The following NRXN1 variants were observed in gnomAD, a reference collection of about 807,000 sequenced individuals.
NRXN1 encodes neurexin-1.
A neutral mutation model predicts 150.9 loss-of-function variants in NRXN1; 39 were observed. The observed-to-expected ratio is 0.26, with a 90% CI of 0.20 to 0.34. NRXN1 has a LOEUF of 0.34. NRXN1 is among the 10% of genes least tolerant of loss of function. The probability of loss-of-function intolerance (pLI) is 1.00; values close to 1 mark genes in which losing one functional copy is unlikely to be tolerated. For synonymous variants in NRXN1, 924 were observed against 757.0 expected, an observed-to-expected ratio of 1.22 and a Z score of -3.62; for missense variants, 1,815 against 1,949.9, an observed-to-expected ratio of 0.93 and a Z score of 1.30.
At chr2:50,650,813 G>A (rs542108158) in intron 5 of NRXN1, among the ~76,000 whole-genome samples, 1 of 152,088 alleles carries the variant, frequency 6.6e-6, no homozygotes, top group East Asian at 1.9e-4. Context: ...AACCAAAAAT[G>A]CCAGTCAAGA....
chr2:50,876,388 T>A (rs1264086393), intron 5 of NRXN1, among the ~76,000 whole-genome samples: 3 of 151,810 alleles, frequency 2.0e-5, no homozygotes. Context: ...TTGAAATATT[T>A]AAAAACACAA....
At chr2:49,946,430 T>C (rs1374217610) in intron 21 of NRXN1, among the ~76,000 whole-genome samples, 1 of 152,118 alleles carries the variant, frequency 6.6e-6, no homozygotes, top group East Asian at 1.9e-4. Flanking sequence ...CACTGCTTTT[T>C]GTGTTTTAGT....
At chr2:49,936,106 G>C (rs940926875) in intron 22 of NRXN1, among the ~76,000 whole-genome samples, 5 of 152,258 alleles carry the variant, frequency 3.3e-5, no homozygotes, top group African/African-American at 1.2e-4. Flanking sequence ...ACTGAACAGA[G>C]TTTTCTGTTG....
intron 2 of NRXN1, chr2:50,985,517 T>C (rs1454262220): frequency 1.3e-5 from 2 of 151,458 alleles, no homozygotes; most frequent in Non-Finnish European, 1.5e-5. Context: ...GAATGAAAAA[T>C]ACAATGTTTT....
chr2:50,958,748 A>G (rs1692674620), intron 2 of NRXN1, among the ~76,000 whole-genome samples: 1 of 152,102 alleles, frequency 6.6e-6, no homozygotes, highest in Non-Finnish European at 1.5e-5. Context: ...GGAAGCAGCA[A>G]GAGTGAGCAT....
intron 5 of NRXN1, among the ~76,000 whole-genome samples, chr2:50,677,378 G>A (rs1015122497): frequency 1.3e-5 from 2 of 152,092 alleles, no homozygotes; most frequent in Non-Finnish European, 2.9e-5. Flanking sequence ...GTATTTTAAC[G>A]TGAGGATACA....
rs532941476 is a variant in NRXN1 at position 50,812,487 on chromosome 2, G to T, written c.832+109382C>A. On this transcript the variant is annotated intron_variant, in intron 5 of 22. Coordinates refer to ENST00000401669, the MANE Select transcript of NRXN1 (RefSeq NM_001330078.2). Reference sequence around the variant, plus strand: ...TTGGTTTTAAGAAATTTTCCTCTTTGTAAGTCAATGTCTTAGTAAACAGGA... The same window carrying T: ...TTGGTTTTAAGAAATTTTCCTCTTTTTAAGTCAATGTCTTAGTAAACAGGA... Among the ~76,000 whole-genome samples, 13 of 152,116 alleles carry T rather than the reference G, an allele frequency of 8.5e-5. No individual in the cohort carries two copies. The South Asian group carries it at 2.1e-3, about 24-fold the overall frequency.
At chr2:50,510,632 C>G (rs1458980448) in intron 12 of NRXN1, among the ~76,000 whole-genome samples, 1 of 151,326 alleles carries the variant, frequency 6.6e-6, no homozygotes, top group African/African-American at 2.4e-5. Flanking sequence ...TTGATTTTTA[C>G]TGTAACATAT....
At position 50,552,917 on chromosome 2, in the gene NRXN1, C is replaced by A; in HGVS notation, c.1429G>T (p.Ala477Ser). ...GVVAFKCENV[A>S]TLDPITFETP... ...TCAAAGGTGATTGGGTCTAAAGTTG[C>A]AACATTCTCACATTTAAATGCCACC... Residue 477 changes from alanine to serine, a missense_variant, in exon 9 of 23, where the codon GCA becomes TCA. Around this residue, in one of 6 missense-constraint regions of NRXN1, gnomAD observed 638 missense variants for 652.6 expected, o/e 0.98. Transcript: ENST00000401669. 6.2e-7 allele frequency: 1 copy of A among 1,613,878 alleles called. No individual in the cohort carries two copies. Among genetic ancestry groups the A allele is most frequent in the Admixed American group, 1.7e-5 (1 of 60,010 alleles).
intron 19 of NRXN1, among the ~76,000 whole-genome samples, chr2:50,082,639 A>G (rs1245958451): frequency 6.6e-6 from 1 of 152,244 alleles, no homozygotes; most frequent in Non-Finnish European, 1.5e-5. Context: ...TATTGATTAA[A>G]TGTTTCAAAA....
chr2:50,910,467 G>A (rs1038727846), intron 5 of NRXN1, among the ~76,000 whole-genome samples: 5 of 151,948 alleles, frequency 3.3e-5, no homozygotes, highest in African/African-American at 9.7e-5. Flanking sequence ...CCACACAGCA[G>A]ATACATCATG....
intron 8 of NRXN1, among the ~76,000 whole-genome samples, chr2:50,596,372 T>C (rs1675203375): frequency 6.6e-6 from 1 of 152,238 alleles, no homozygotes; most frequent in Non-Finnish European, 1.5e-5. Context: ...TATTAAAAAT[T>C]GCTGTGTTTT....
At chr2:50,910,787 A>G (rs1317360249) in intron 5 of NRXN1, among the ~76,000 whole-genome samples, 1 of 151,910 alleles carries the variant, frequency 6.6e-6, no homozygotes, top group Non-Finnish European at 1.5e-5. Context: ...GACTGAATAT[A>G]TACTGCTAAC....
intron 8 of NRXN1, among the ~76,000 whole-genome samples, chr2:50,576,804 C>T (rs912157403): frequency 2.0e-5 from 3 of 151,972 alleles, no homozygotes; most frequent in South Asian, 4.1e-4. Context: ...GCTTTCCTGA[C>T]CTCCCTTTTA....
intron 18 of NRXN1, among the ~76,000 whole-genome samples, chr2:50,222,855 T>C (rs1254300828): frequency 2.0e-5 from 3 of 151,858 alleles, no homozygotes; most frequent in Non-Finnish European, 4.4e-5. Context: ...AAAAAAGAAA[T>C]TGAATGTATA....
chr2:50,709,382 T>G (rs538219616), intron 5 of NRXN1, among the ~76,000 whole-genome samples: 9 of 152,146 alleles, frequency 5.9e-5, no homozygotes, highest in African/African-American at 1.9e-4. Context: ...TACAGTGAAA[T>G]AGAAATACAC....
intron 17 of NRXN1, among the ~76,000 whole-genome samples, chr2:50,381,586 C>T (rs928825088): frequency 8.8e-5 from 13 of 147,576 alleles, no homozygotes; most frequent in Non-Finnish European, 1.5e-4. Flanking sequence ...CTGCTTTTGG[C>T]TATGAAAAGG....
In NRXN1 at chr2:50,552,734, C is replaced by T. The variant is rs1476873302; in HGVS notation, c.1612G>A (p.Val538Met). 7.4e-6 allele frequency: 12 copies of T among 1,613,948 alleles called. No individual in the cohort carries two copies. Among genetic ancestry groups the T allele is most frequent in the Non-Finnish European group, 1.0e-5 (12 of 1,179,872 alleles). ...AGCATCTCAATAGCAAAGAAGTCCA[C>T]CTTTATCATCTGTGGGTGCTTGGCA... ...KDAKHPQMIK[V>M]DFFAIEMLDG... The change falls in exon 9 of 23, where the codon GTG becomes ATG. Residue 538 changes from valine to methionine, a missense_variant. Coordinates refer to ENST00000401669, the MANE Select transcript of NRXN1 (RefSeq NM_001330078.2).
At chr2:49,941,330 G>T (rs1339385388) in intron 22 of NRXN1, among the ~76,000 whole-genome samples, 1 of 150,484 alleles carries the variant, frequency 6.6e-6, no homozygotes, top group Non-Finnish European at 1.5e-5. Context: ...CAAAAATCGG[G>T]TGAACAAGCA....
Sources: allele counts gnomAD v4.1 joint callset (sites outside exome capture counted in the v4.1 genomes callset), GRCh38; gene constraint gnomAD v4.1.1; regional missense constraint gnomAD v4.1.1; transcripts MANE v1.5; gene names NCBI Gene and HGNC (gene_info 2026-07-23, HGNC 2026-07-21).